The following NOTCH3 variants were observed in gnomAD, a reference collection of about 807,000 sequenced individuals.
NOTCH3 encodes the protein notch receptor 3.
In NOTCH3, 86 loss-of-function variants were observed where a neutral mutation model predicts 213.3. That is an observed-to-expected ratio of 0.40 (90% CI 0.34 to 0.48). The LOEUF is 0.48. Among genes scored for constraint, NOTCH3 ranks in the 20% least tolerant of loss-of-function variants. The probability of loss-of-function intolerance (pLI) is 0.57; values close to 1 mark genes in which losing one functional copy is unlikely to be tolerated. For missense variants in NOTCH3, 2,783 were observed against 3,272.6 expected, an observed-to-expected ratio of 0.85 and a Z score of 3.65; for synonymous variants, 1,354 against 1,355.9, an observed-to-expected ratio of 1.00 and a Z score of 0.03.
In NOTCH3 at chr19:15,185,263, C is replaced by G; in HGVS notation, c.2290G>C (p.Val764Leu). 2.5e-6 allele frequency: 4 copies of G among 1,613,164 alleles called. No individual in the cohort carries two copies. The highest frequency in any genetic ancestry group is 3.4e-6 in the Non-Finnish European group (4 of 1,179,998). The change falls in exon 14 of 33, where the codon GTC (valine) becomes CTC (leucine). Residue 764 changes from valine to leucine, a missense_variant. By Grantham distance (32) the Val-to-Leu change is conservative. Around this residue, in one of 6 missense-constraint regions of NOTCH3, gnomAD observed 861 missense variants for 909.1 expected, o/e 0.95. Coordinates refer to ENST00000263388, the MANE Select transcript of NOTCH3 (RefSeq NM_000435.3). This position sits in a 1 kb window ranked among gnomAD's most constrained non-coding sequence, Gnocchi z 4.2. ...GGGAAGGTGAGGTACACACCCTGGA[C>G]ACCAGGCGGGCAGGTGCAGTGGAAA... ...MGFHCTCPPG[V>L]QGRQCELLSP...
intron 28 of NOTCH3, 59 bp downstream of exon 28, chr19:15,170,027 C>G (rs1436588663): frequency 1.0e-6 from 1 of 991,836 alleles, no homozygotes; most frequent in Non-Finnish European, 1.6e-6. Context: ...GGGGACCCCA[C>G]CCAGTACCCT....
intron 2 of NOTCH3, 54 bp downstream of exon 2, chr19:15,197,446 T>TCCCCCCCCCCCCCCC: frequency 4.3e-6 from 2 of 460,706 alleles, no homozygotes. Flanking sequence ...AAATCGCCCC[T>TCCCCCCCCCCCCCCC]CCCCCCCGCC....
At position 15,192,451 on chromosome 19, in the gene NOTCH3, C is replaced by T. The variant is rs1306893382; in HGVS notation, c.266G>A (p.Gly89Asp). ...CACTGAACTCTGGCAGACACCACGG[C>T]CAGCACAGGGGCCTGAGTGACAGGG... ...EDPCHSGPCA[G>D]RGVCQSSVVA... Residue 89 changes from glycine (G) to aspartate (D), a missense_variant, in exon 3 of 33, where the codon GGC becomes GAC. Around this residue, in one of 6 missense-constraint regions of NOTCH3, gnomAD observed 708 missense variants for 906.6 expected, o/e 0.78. Transcript: ENST00000263388. 1 of 1,612,414 alleles carries T rather than the reference C, an allele frequency of 6.2e-7. No individual in the cohort carries two copies. Among genetic ancestry groups the T allele is most frequent in the South Asian group, 1.1e-5 (1 of 90,922 alleles).
At chr19:15,180,887 G>A (rs2145422374) in intron 18 of NOTCH3, 59 bp from the exon 19 acceptor site, 1 of 1,601,042 alleles carries the variant, frequency 6.2e-7, no homozygotes. Flanking sequence ...GGGAGAAACT[G>A]TGCCCCGACT....
rs370010007 is a variant in NOTCH3 at position 15,174,244 on chromosome 19, C to T, written c.4560G>A (p.Pro1520=). The T allele has an allele frequency of 3.1e-5, 50 of 1,589,302 alleles. 3 individuals carry two copies. In the South Asian group the frequency reaches 4.8e-4, roughly 15 times the overall value. ...RGVLVLTVLL[P]PEELLRSSAD... Reference sequence around the variant, plus strand: ...CGCTGGAACGCAGTAGCTCCTCTGGCGGCAGCAGCACTGTGAGCACCAGCA... The same window carrying T: ...CGCTGGAACGCAGTAGCTCCTCTGGTGGCAGCAGCACTGTGAGCACCAGCA... The change falls in exon 25 of 33, where the codon CCG becomes CCA. Residue 1520 remains proline (P), a synonymous_variant. Coordinates refer to ENST00000263388, the MANE Select transcript of NOTCH3 (RefSeq NM_000435.3).
chr19:15,176,068 G>A (rs1372844068), intron 24 of NOTCH3, among the ~76,000 whole-genome samples: 1 of 151,678 alleles, frequency 6.6e-6, no homozygotes, highest in African/African-American at 2.4e-5. Flanking sequence ...ATATAGAGGA[G>A]CAAAAAGAGT....
chr19:15,182,249 G>T (rs926079814), intron 16 of NOTCH3, among the ~76,000 whole-genome samples: 1 of 152,158 alleles, frequency 6.6e-6, no homozygotes, highest in African/African-American at 2.4e-5. Flanking sequence ...GCACACACTT[G>T]TAATCCCAGC....
rs1255319596 is a variant in NOTCH3 at position 15,178,065 on chromosome 19, C to A, written c.3863G>T (p.Arg1288Leu). ...CAGCTCCCGGCAGGAGCGCGCCACC[C>A]GCTCGCAACGCGGACCCCAGAACGG... ...AQPFWGPRCE[R>L]VARSCRELQC... The change falls in exon 24 of 33, where the codon CGG becomes CTG. Residue 1288 changes from arginine to leucine, a missense_variant. Physicochemically the swap from Arg to Leu is moderately radical, Grantham distance 102. Around this residue, in one of 6 missense-constraint regions of NOTCH3, gnomAD observed 861 missense variants for 909.1 expected, o/e 0.95. Transcript: ENST00000263388. The A allele has an allele frequency of 6.6e-6, 10 of 1,519,512 alleles. No homozygotes were observed. The highest frequency in any genetic ancestry group is 8.8e-6 in the Non-Finnish European group (10 of 1,139,338). The allele number at this position is 1,519,512 out of a possible 1,614,324, so 94.1% of individuals were successfully genotyped here. A position where few individuals can be genotyped will look rare whatever the true frequency, so the allele number is the denominator to read the frequency against.
In NOTCH3 at chr19:15,192,079, G is replaced by T; in HGVS notation, c.560C>A (p.Ala187Asp). 6.2e-7 allele frequency: 1 copy of T among 1,613,262 alleles called. No individual in the cohort carries two copies. The change falls in exon 4 of 33, where the codon GCT (alanine) becomes GAT (aspartate). Residue 187 changes from alanine (A) to aspartate (D), a missense_variant. Ala to Asp is a moderately radical substitution (Grantham distance 126). Coordinates refer to ENST00000263388, the MANE Select transcript of NOTCH3 (RefSeq NM_000435.3). ...CTCACATAGTGGCCCTGTGTAGCCA[G>T]CTGGACACTGGCAGCGGAAGGAGCC... Reference protein sequence around the residue: ...TPGSFRCQCPAGYTGPLCENP... With the variant: ...TPGSFRCQCPDGYTGPLCENP...
rs111262248 is a variant in NOTCH3 at position 15,167,441 on chromosome 19, T to C, written c.5200-30A>G. 5.6e-5 allele frequency: 90 copies of C among 1,598,736 alleles called. 1 individual carries two copies. In the African/African-American group the frequency reaches 7.3e-4, roughly 13 times the overall value. ...AGGGGCAGGCACCCTGGATCTCAGA[T>C]CTCACCCTTTGGTGCTGGGGAGAGC... On this transcript the variant is annotated intron_variant, in intron 28 of 32. Transcript: ENST00000263388.
In NOTCH3 at chr19:15,188,311, C is replaced by A. The variant is rs1416152273; in HGVS notation, c.1416G>T (p.Glu472Asp). Residue 472 changes from glutamate to aspartate, a missense_variant, in exon 9 of 33, where the codon GAG (glutamate) becomes GAT (aspartate). Transcript: ENST00000263388. ...CGTTGACACAGGGGCTACTCTGACA[C>A]TCGTCAATGTCCACCTCGCAATAGG... ...TGTYCEVDID[E>D]CQSSPCVNGG... is the part of the protein sequence containing the mutation. 6.9e-6 allele frequency: 11 copies of A among 1,605,454 alleles called. No homozygotes were observed. In the African/African-American group the frequency reaches 1.3e-4, roughly 20 times the overall value.
At chr19:15,164,275 C>T (rs980524925) in intron 31 of NOTCH3, among the ~76,000 whole-genome samples, 1 of 152,038 alleles carries the variant, frequency 6.6e-6, no homozygotes, top group African/African-American at 2.4e-5. Context: ...CTCAGTGGCT[C>T]ATGCCTATAA....
intron 6 of NOTCH3, 145 bp from the exon 7 acceptor site, chr19:15,189,573 C>T (rs181670134): frequency 7.8e-5 from 75 of 963,822 alleles, no homozygotes; most frequent in African/African-American, 7.6e-4. Context: ...AGCTGGAGTA[C>T]AATAGCGCGA....
rs766322549 is a variant in NOTCH3, at chr19:15,180,105, G to T, written c.3294C>A (p.Thr1098=). 1.2e-6 allele frequency: 2 copies of T among 1,611,850 alleles called. No individual in the cohort carries two copies. The highest frequency in any genetic ancestry group is 1.7e-6 in the Non-Finnish European group (2 of 1,179,354). The change falls in exon 20 of 33, where the codon ACC becomes ACA. Residue 1098 remains threonine (T), a synonymous_variant. Transcript: ENST00000263388. The part of the protein sequence containing the change: ...CLAQPCQHGG[T]CRGYMGGYMC... ...TGTAGCCCCCCATATAGCCACGGCA[G>T]GTCCCCCCATGCTGGCAGGGCTGGG...
chr19:15,162,700 G>A (rs2046654819), intron 31 of NOTCH3, 138 bp from the exon 32 acceptor site: 1 of 705,106 alleles, frequency 1.4e-6, no homozygotes, highest in Non-Finnish European at 2.6e-6. Flanking sequence ...ACTTGTGTCT[G>A]GATCCATGTG....
intron 24 of NOTCH3, among the ~76,000 whole-genome samples, chr19:15,177,251 G>GAAA (rs1555727291): frequency 8.6e-6 from 1 of 116,118 alleles, no homozygotes; most frequent in Non-Finnish European, 1.6e-5. Flanking sequence ...TCCATCTCGG[G>GAAA]AAAAAAAAAA....
intron 9 of NOTCH3, 28 bp from the exon 10 acceptor site, chr19:15,188,022 G>A (rs1479147434): frequency 1.3e-6 from 2 of 1,520,494 alleles, no homozygotes; most frequent in Non-Finnish European, 1.8e-6. Context: ...ATGAGCAGAG[G>A]CCCAGAAAGG....
At chr19:15,161,787 G>A (rs2046646369) in intron 32 of NOTCH3, 73 bp from the exon 33 acceptor site, 1 of 1,314,782 alleles carries the variant, frequency 7.6e-7, no homozygotes, top group Non-Finnish European at 1.1e-6. Context: ...CCTCTTGGGG[G>A]AGCCCGAGAG....
At position 15,165,780 on chromosome 19, in the gene NOTCH3, A is replaced by C. The variant is rs758902579; in HGVS notation, c.5667+7T>G. ...GCTCTGAGGTCCAAAGTGTGTGCCT[A>C]TCTCACCTGGAAGACACCCTGGGCA... is the stretch of plus-strand genomic sequence containing the variant. On this transcript the variant is annotated splice_region_variant and intron_variant, in intron 30 of 32. Transcript: ENST00000263388. This position sits in a 1 kb window ranked among gnomAD's most constrained non-coding sequence, Gnocchi z 4.7. The C allele has an allele frequency of 4.3e-6, 7 of 1,610,540 alleles. No individual in the cohort carries two copies. The highest frequency in any genetic ancestry group is 1.7e-5 in the Admixed American group (1 of 60,000).
Sources: allele counts gnomAD v4.1 joint callset (sites outside exome capture counted in the v4.1 genomes callset), GRCh38; gene constraint gnomAD v4.1.1; regional missense constraint gnomAD v4.1.1; non-coding constraint Gnocchi (gnomAD v3.1); transcripts MANE v1.5; gene names NCBI Gene and HGNC (gene_info 2026-07-23, HGNC 2026-07-21).